The following ARFIP1 variants were observed in gnomAD, a reference collection of about 807,000 sequenced individuals.
ARFIP1 encodes the protein ARF interacting protein 1, also known as arfaptin-1.
ARFIP1 carries 24 observed loss-of-function variants against 42.5 expected under a neutral mutation model. That is an observed-to-expected ratio of 0.57 (90% CI 0.41 to 0.80). The LOEUF (loss-of-function observed/expected upper bound fraction) is 0.80, where lower values mean the gene tolerates loss of function less well. Ranked by LOEUF, ARFIP1 falls within the 30% of genes least tolerant of loss-of-function variation. The pLI is 0.00. For missense variants in ARFIP1, 354 were observed against 434.0 expected, an observed-to-expected ratio of 0.82 and a Z score of 1.64; for synonymous variants, 141 against 153.7, an observed-to-expected ratio of 0.92 and a Z score of 0.61.
intron 1 of ARFIP1, among the ~76,000 whole-genome samples, chr4:152,807,546 C>T (rs146295224): frequency 6.6e-5 from 10 of 152,230 alleles, no homozygotes; most frequent in African/African-American, 1.7e-4. Flanking sequence ...TGTACTTACT[C>T]GCCATTCCTG....
intron 1 of ARFIP1, among the ~76,000 whole-genome samples, chr4:152,809,235 C>G (rs1258894474): frequency 1.3e-5 from 2 of 152,136 alleles, no homozygotes; most frequent in African/African-American, 4.8e-5. Context: ...ATTAGAATCA[C>G]CTGGTGAGCT....
chr4:152,814,638 C>T (rs1017545793), intron 1 of ARFIP1, among the ~76,000 whole-genome samples: 9 of 152,210 alleles, frequency 5.9e-5, no homozygotes, highest in Non-Finnish European at 1.5e-5. Flanking sequence ...TGCAGTGATT[C>T]ATGATCACCC....
chr4:152,788,798 T>A (rs12054538), intron 1 of ARFIP1, among the ~76,000 whole-genome samples: 1 of 130,026 alleles, frequency 7.7e-6, no homozygotes, highest in Non-Finnish European at 1.6e-5. Context: ...TTTTCCCCAA[T>A]GTCTTTTTTT....
At chr4:152,811,126 T>A (rs768636889) in intron 1 of ARFIP1, among the ~76,000 whole-genome samples, 1 of 133,316 alleles carries the variant, frequency 7.5e-6, no homozygotes, top group African/African-American at 2.9e-5. Context: ...TTTGGAAAAC[T>A]GGTTGTTAAA....
chr4:152,786,618 AG>A (rs1484188362), intron 1 of ARFIP1, among the ~76,000 whole-genome samples: 1 of 152,168 alleles, frequency 6.6e-6, no homozygotes, highest in Non-Finnish European at 1.5e-5. Context: ...CCCATCTTGA[AG>A]GCACAGTGAT....
intron 7 of ARFIP1, among the ~76,000 whole-genome samples, chr4:152,884,408 C>T (rs1736104941): frequency 6.6e-6 from 1 of 151,664 alleles, no homozygotes; most frequent in Non-Finnish European, 1.5e-5. Flanking sequence ...TTTTCTGTTC[C>T]TTGTTCATAA....
intron 1 of ARFIP1, among the ~76,000 whole-genome samples, chr4:152,789,358 G>C (rs1731012655): frequency 6.6e-6 from 1 of 151,976 alleles, no homozygotes; most frequent in Non-Finnish European, 1.5e-5. Flanking sequence ...CCAAAGTGTT[G>C]GGATTACAGG....
At chr4:152,870,959 C>CT in intron 4 of ARFIP1, 111 bp downstream of exon 4, 1 of 792,940 alleles carries the variant, frequency 1.3e-6, no homozygotes, top group Non-Finnish European at 1.9e-6. Context: ...GTGATTCTGA[C>CT]TTTTTTGGTG....
At chr4:152,889,037 T>A (rs988402290) in intron 8 of ARFIP1, among the ~76,000 whole-genome samples, 2 of 152,182 alleles carry the variant, frequency 1.3e-5, no homozygotes, top group Non-Finnish European at 2.9e-5. Flanking sequence ...CAGATGGGTC[T>A]CACCATTGCA....
intron 7 of ARFIP1, among the ~76,000 whole-genome samples, chr4:152,886,877 G>A (rs1325552494): frequency 1.3e-5 from 2 of 151,840 alleles, no homozygotes; most frequent in Non-Finnish European, 2.9e-5. Context: ...CCTGAAAGAG[G>A]CCAATTAAAT....
rs1171372153 is a variant in ARFIP1 at position 152,779,977 on chromosome 4, T to G, written c.-259T>G. 1.3e-5 allele frequency: 2 copies of G among 152,566 alleles called. No individual in the cohort carries two copies. The highest frequency in any genetic ancestry group is 1.5e-5 in the Non-Finnish European group (1 of 68,310). The allele number at this position is 152,566 out of a possible 1,614,324, so 9.5% of individuals were successfully genotyped here. On this transcript the variant is annotated 5_prime_UTR_variant, in exon 1 of 9. Coordinates refer to ENST00000353617, the MANE Select transcript of ARFIP1 (RefSeq NM_001025595.3). ...GTCTCCTCACTTCCGGCTTCGCTGC[T>G]CTTGGTTCTGGTTCTGGAGGCTGGG...
At position 152,889,689 on chromosome 4, in the gene ARFIP1, T is replaced by G. The variant is rs1409970925; in HGVS notation, c.966+1382T>G. Among the ~76,000 whole-genome samples the G allele has an allele frequency of 7.7e-5, 10 of 129,076 alleles. No homozygotes were observed. In the Admixed American group the frequency reaches 8.6e-4, roughly 11 times the overall value. The allele number at this position is 129,076 out of a possible 152,430, so 84.7% of individuals were successfully genotyped here. ...ACTAATATATACTATATAATATATATATGCACTATATATAGTATATATACA... is the reference window on the plus strand; with the variant it reads ...ACTAATATATACTATATAATATATAGATGCACTATATATAGTATATATACA... On this transcript the variant is annotated intron_variant, in intron 8 of 8. Transcript: ENST00000353617.
intron 3 of ARFIP1, among the ~76,000 whole-genome samples, chr4:152,864,719 A>G (rs554178248): frequency 8.0e-4 from 122 of 152,302 alleles, no homozygotes; most frequent in African/African-American, 2.9e-3. Flanking sequence ...AAGCACAGTG[A>G]GGCACTCGTA....
intron 7 of ARFIP1, 115 bp downstream of exon 7, chr4:152,882,995 G>A (rs1735968865): frequency 7.3e-6 from 8 of 1,102,698 alleles, no homozygotes; most frequent in Non-Finnish European, 1.0e-5. Flanking sequence ...GGAAAAAAAT[G>A]TACTGGAAAG....
chr4:152,902,722 C>T (rs1177212566), intron 8 of ARFIP1, among the ~76,000 whole-genome samples: 1 of 152,116 alleles, frequency 6.6e-6, no homozygotes, highest in Non-Finnish European at 1.5e-5. Context: ...AAGGTAAAGA[C>T]CCTGAAATAT....
At chr4:152,856,622 T>G (rs906174923) in intron 2 of ARFIP1, among the ~76,000 whole-genome samples, 2 of 152,212 alleles carry the variant, frequency 1.3e-5, no homozygotes, top group African/African-American at 4.8e-5. Flanking sequence ...CGCATGTATT[T>G]TGGTATCCAA....
chr4:152,819,951 C>T (rs906826073), intron 1 of ARFIP1, among the ~76,000 whole-genome samples: 3 of 152,118 alleles, frequency 2.0e-5, no homozygotes, highest in Non-Finnish European at 4.4e-5. Flanking sequence ...GGAGTGCCTT[C>T]CAGATTCAGG....
At chr4:152,870,942 G>A (rs1200955988) in intron 4 of ARFIP1, 94 bp downstream of exon 4, 1 of 1,057,856 alleles carries the variant, frequency 9.5e-7, no homozygotes, top group Admixed American at 2.2e-5. Flanking sequence ...TATATTCTTA[G>A]GTGTGTGTGA....
intron 1 of ARFIP1, among the ~76,000 whole-genome samples, chr4:152,808,046 T>C (rs554499187): frequency 1.3e-5 from 2 of 152,274 alleles, no homozygotes; most frequent in East Asian, 3.9e-4. Context: ...AGTGGCACGA[T>C]CTTGGCTCAC....
Sources: allele counts gnomAD v4.1 joint callset (sites outside exome capture counted in the v4.1 genomes callset), GRCh38; gene constraint gnomAD v4.1.1; transcripts MANE v1.5; gene names NCBI Gene and HGNC (gene_info 2026-07-23, HGNC 2026-07-21).